Variants in GRK7 observed in about 807,000 individuals in gnomAD.
GRK7 encodes G protein-coupled receptor kinase 7.
Under a neutral mutation model 34.1 loss-of-function variants are expected in GRK7, and 24 were observed. That is an observed-to-expected ratio of 0.70 (90% confidence interval 0.51 to 0.99). The LOEUF (loss-of-function observed/expected upper bound fraction) is 0.99, where lower values mean the gene tolerates loss of function less well. GRK7 is among the 50% of genes least tolerant of loss of function. The pLI is 0.00. For missense variants in GRK7, 644 were observed against 707.3 expected (o/e 0.91, Z 1.02); for synonymous variants, 256 against 279.4 (o/e 0.92, Z 0.84).
intron 2 of GRK7, among the ~76,000 whole-genome samples, chr3:141,777,478 T>C (rs1424084457): frequency 2.4e-5 from 3 of 127,094 alleles, no homozygotes; most frequent in East Asian, 4.6e-4. Flanking sequence ...GCGCCCGCCA[T>C]CAAGCCCGGC....
chr3:141,760,469 G>A (rs2084550579), upstream of GRK7, among the ~76,000 whole-genome samples: 1 of 120,064 alleles, frequency 8.3e-6, no homozygotes, highest in African/African-American at 3.3e-5. Flanking sequence ...ATTGCACTGT[G>A]GTCTGAGAGA....
intron 5 of GRK7, among the ~76,000 whole-genome samples, chr3:141,808,288 C>G (rs958338471): frequency 6.6e-6 from 1 of 152,162 alleles, no homozygotes; most frequent in Non-Finnish European, 1.5e-5. Context: ...TTCACTGTAT[C>G]ACCTTAGTTT....
chr3:141,758,837 G>A (rs2084541913), upstream of GRK7, among the ~76,000 whole-genome samples: 1 of 151,768 alleles, frequency 6.6e-6, no homozygotes, highest in South Asian at 2.1e-4. Context: ...TCCTTGAGCA[G>A]TGGTTTGTAA....
At chr3:141,813,412 C>A (rs917314811) in intron 5 of GRK7, among the ~76,000 whole-genome samples, 4 of 152,218 alleles carry the variant, frequency 2.6e-5, no homozygotes, top group Non-Finnish European at 5.9e-5. Context: ...CAGGTGTGAG[C>A]CATGGTGCCC....
At chr3:141,783,007 T>C (rs765138188) in intron 4 of GRK7, among the ~76,000 whole-genome samples, 4 of 152,188 alleles carry the variant, frequency 2.6e-5, no homozygotes, top group Non-Finnish European at 5.9e-5. Context: ...AGCTGCAGAA[T>C]AATGGGATCT....
Position 141,807,873 on chromosome 3 carries a change from T to G in GRK7, c.1279T>G (p.Cys427Gly). 6.2e-7 allele frequency: 1 copy of G among 1,609,408 alleles called. No individual in the cohort carries two copies. The highest frequency in any genetic ancestry group is 8.5e-7 in the Non-Finnish European group (1 of 1,176,914). Residue 427 changes from cysteine (C) to glycine (G), a missense_variant, in exon 5 of 6, where the codon TGC becomes GGC. By Grantham distance (159) the Cys-to-Gly change is radical (BLOSUM62 -3). Coordinates refer to ENST00000682958, the MANE Select transcript of GRK7 (RefSeq NM_139209.3). ...DNFTEEAKDI[C>G]RLFLAKKPEQ... Reference sequence around the variant, plus strand: ...CTTCACAGAGGAAGCAAAAGATATTTGCAGGCTCTTCTTGGCTAAGAAACC... The same window carrying G: ...CTTCACAGAGGAAGCAAAAGATATTGGCAGGCTCTTCTTGGCTAAGAAACC...
the GRK7 span, among the ~76,000 whole-genome samples, chr3:141,751,609 G>A: frequency 3.2e-4 from 48 of 152,284 alleles, 1 homozygote; most frequent in East Asian, 8.9e-3. Flanking sequence ...TGTGGGGTAT[G>A]GGGGGTCTGC....
intron 4 of GRK7, among the ~76,000 whole-genome samples, chr3:141,790,120 G>A (rs1246606973): frequency 1.3e-5 from 2 of 152,152 alleles, no homozygotes; most frequent in East Asian, 3.9e-4. Context: ...TCCCGCCTCA[G>A]CCTGCCGTGT....
intron 1 of GRK7, among the ~76,000 whole-genome samples, chr3:141,772,843 A>T (rs1465195671): frequency 6.6e-6 from 1 of 152,128 alleles, no homozygotes; most frequent in African/African-American, 2.4e-5. Context: ...ATCTAAAATA[A>T]AAGTTGAGGC....
chr3:141,774,451 A>G (rs1210454698), intron 1 of GRK7, among the ~76,000 whole-genome samples, 129 bp from the exon 2 acceptor site: 1 of 152,146 alleles, frequency 6.6e-6, no homozygotes, highest in Non-Finnish European at 1.5e-5. Flanking sequence ...AAAGAAAGAA[A>G]AAGAAAATGT....
chr3:141,809,909 G>T (rs760160276), intron 5 of GRK7, among the ~76,000 whole-genome samples: 9 of 152,136 alleles, frequency 5.9e-5, no homozygotes, highest in Non-Finnish European at 1.0e-4. Flanking sequence ...ATATAAAAAG[G>T]CGGGGGTTGT....
At chr3:141,794,676 A>G (rs935774078) in intron 4 of GRK7, among the ~76,000 whole-genome samples, 1 of 152,194 alleles carries the variant, frequency 6.6e-6, no homozygotes, top group African/African-American at 2.4e-5. Context: ...GAGGAGATTC[A>G]GGTAGTTTGT....
intron 5 of GRK7, among the ~76,000 whole-genome samples, chr3:141,812,098 C>A (rs1211290117): frequency 6.6e-6 from 1 of 152,210 alleles, no homozygotes; most frequent in Non-Finnish European, 1.5e-5. Context: ...TCTTGGCAGA[C>A]CAAATTCCCT....
At chr3:141,794,987 A>G (rs923129469) in intron 4 of GRK7, among the ~76,000 whole-genome samples, 28 of 152,172 alleles carry the variant, frequency 1.8e-4, no homozygotes, top group African/African-American at 6.8e-4. Flanking sequence ...AGGAGAGGAA[A>G]GGGATGGACA....
intron 5 of GRK7, among the ~76,000 whole-genome samples, chr3:141,813,397 G>A (rs1711116644): frequency 1.3e-5 from 2 of 152,338 alleles, no homozygotes; most frequent in African/African-American, 4.8e-5. Context: ...AAAATGCTGG[G>A]ATTACAGGTG....
rs545194173 is a variant in GRK7 at position 141,763,732 on chromosome 3, A to G, written c.-2221A>G. On this transcript the variant is annotated 5_prime_UTR_variant, in exon 1 of 6. Transcript: ENST00000682958. ...AACCCAGTTTTCCAGCTCAACTCAC[A>G]TTCTCCTAACTCTAATTCCAAGTAG... is the stretch of plus-strand genomic sequence containing the variant. 2.0e-5 allele frequency among the ~76,000 whole-genome samples: 3 copies of G among 152,186 alleles called. No homozygotes were observed. Among genetic ancestry groups the G allele is most frequent in the East Asian group, 1.9e-4 (1 of 5,170 alleles).
chr3:141,767,406 T>G (rs962995780), intron 1 of GRK7, among the ~76,000 whole-genome samples: 7 of 151,738 alleles, frequency 4.6e-5, no homozygotes, highest in Middle Eastern at 3.2e-3. Flanking sequence ...GTTTTTTGTT[T>G]TTTTTTTTTG....
At chr3:141,774,389 A>G (rs1311845143) in intron 1 of GRK7, among the ~76,000 whole-genome samples, 191 bp from the exon 2 acceptor site, 2 of 152,044 alleles carry the variant, frequency 1.3e-5, no homozygotes, top group African/African-American at 4.8e-5. Context: ...GCCACTGCAC[A>G]TTAGCCTGGG....
intron 4 of GRK7, among the ~76,000 whole-genome samples, chr3:141,807,168 T>C (rs967227621): frequency 3.9e-5 from 6 of 152,136 alleles, no homozygotes; most frequent in African/African-American, 1.4e-4. Context: ...GTAAGAAACA[T>C]GATAGACTAG....
Sources: gnomAD v4.1 joint callset for allele counts (sites outside exome capture counted in the v4.1 genomes callset) on GRCh38, gnomAD v4.1.1 for gene constraint, MANE v1.5 for transcripts, NCBI Gene and HGNC (gene_info 2026-07-23, HGNC 2026-07-21) for gene names.